Variants in EXOC4 observed in about 807,000 individuals in gnomAD.
EXOC4 encodes exocyst complex component 4.
In EXOC4, 71 loss-of-function variants were observed where a neutral mutation model predicts 107.2. The observed-to-expected ratio is 0.66, with a 90% CI of 0.55 to 0.81. EXOC4 has a LOEUF of 0.81. EXOC4 is among the 30% of genes least tolerant of loss of function. EXOC4 has a pLI of 0.00. For synonymous variants in EXOC4, 456 were observed against 441.2 expected, an observed-to-expected ratio of 1.03 and a Z score of -0.42; for missense variants, 1,108 against 1,189.6, an observed-to-expected ratio of 0.93 and a Z score of 1.01.
chr7:133,596,968 G>A (rs1801689271), intron 9 of EXOC4, among the ~76,000 whole-genome samples: 1 of 152,144 alleles, frequency 6.6e-6, no homozygotes, highest in Admixed American at 6.5e-5. Context: ...CTTTTTAGAG[G>A]AAGCAATCAG....
At chr7:133,267,306 C>T (rs1277161477) in intron 1 of EXOC4, among the ~76,000 whole-genome samples, 2 of 152,160 alleles carry the variant, frequency 1.3e-5, no homozygotes, top group African/African-American at 2.4e-5. Context: ...GTCTGGCTCC[C>T]AGTTTTCTCC....
At chr7:133,705,721 A>T (rs1794754412) in intron 10 of EXOC4, among the ~76,000 whole-genome samples, 2 of 152,220 alleles carry the variant, frequency 1.3e-5, no homozygotes, top group South Asian at 4.1e-4. Context: ...CGAGATGGCT[A>T]CGAAGTGACT....
intron 8 of EXOC4, chr7:133,479,741 C>T (rs1207198459): frequency 6.6e-6 from 2 of 304,208 alleles, no homozygotes; most frequent in Non-Finnish European, 1.3e-5. Flanking sequence ...GTATAAGGAT[C>T]CTGGCTAAAG....
chr7:133,330,379 C>T (rs1795353872), intron 5 of EXOC4, among the ~76,000 whole-genome samples: 1 of 152,008 alleles, frequency 6.6e-6, no homozygotes. Flanking sequence ...GGGTGGGACC[C>T]ACTGAGCCAG....
chr7:133,291,982 T>C (rs1794416934), intron 3 of EXOC4, among the ~76,000 whole-genome samples: 1 of 152,308 alleles, frequency 6.6e-6, no homozygotes, highest in South Asian at 2.1e-4. Context: ...AACCATGCTG[T>C]TTTAACTCCT....
At chr7:133,883,719 C>G (rs1354548744) in intron 11 of EXOC4, among the ~76,000 whole-genome samples, 1 of 152,068 alleles carries the variant, frequency 6.6e-6, no homozygotes, top group Non-Finnish European at 1.5e-5. Context: ...GACATGAACA[C>G]TCATTTCTGT....
intron 4 of EXOC4, 60 bp from the exon 5 acceptor site, chr7:133,317,224 G>T (rs1379606560): frequency 8.5e-7 from 1 of 1,182,946 alleles, no homozygotes; most frequent in African/African-American, 1.5e-5. Context: ...TGGGGCTGTA[G>T]TGGGAGGACT....
chr7:133,902,865 AC>A (rs1185399549), intron 12 of EXOC4, among the ~76,000 whole-genome samples: 1 of 114,670 alleles, frequency 8.7e-6, no homozygotes, highest in Non-Finnish European at 1.7e-5. Context: ...AAAAAACAAA[AC>A]AAAAAAAAAA....
chr7:133,965,510 G>A (rs1425226795), intron 14 of EXOC4, among the ~76,000 whole-genome samples: 2 of 152,174 alleles, frequency 1.3e-5, no homozygotes, highest in Admixed American at 1.3e-4. Context: ...TTTGTATAAG[G>A]TGTAAGGAAG....
intron 3 of EXOC4, 102 bp downstream of exon 3, chr7:133,289,218 G>T: frequency 1.0e-6 from 1 of 972,434 alleles, no homozygotes; most frequent in Non-Finnish European, 1.5e-6. Context: ...ATTACAAACT[G>T]CCCTCTTGGG....
chr7:133,630,519 C>T lies in EXOC4; in HGVS notation c.1514+378C>T, dbSNP rs958020378. Among the ~76,000 whole-genome samples, 19 of 152,026 alleles carry T rather than the reference C, an allele frequency of 1.2e-4. 1 individual carries two copies. ...ACATTTTTATTGACACACAGACATGCTTATTTGTTTATGTATTGCCCATAG... is the reference window on the plus strand; with the variant it reads ...ACATTTTTATTGACACACAGACATGTTTATTTGTTTATGTATTGCCCATAG... On this transcript the variant is annotated intron_variant, in intron 10 of 17. Transcript: ENST00000253861.
chr7:134,061,641 C>T (rs1195858192), intron 17 of EXOC4, among the ~76,000 whole-genome samples: 2 of 152,144 alleles, frequency 1.3e-5, no homozygotes, highest in African/African-American at 2.4e-5. Flanking sequence ...AATCTCGATG[C>T]ACGCATGAGC....
intron 1 of EXOC4, among the ~76,000 whole-genome samples, chr7:133,256,856 A>G (rs1470371712): frequency 1.3e-5 from 2 of 151,982 alleles, no homozygotes; most frequent in Non-Finnish European, 2.9e-5. Flanking sequence ...TCTCATCGCT[A>G]TTTCCAGCCC....
chr7:133,971,608 C>A (rs967702011), intron 14 of EXOC4, among the ~76,000 whole-genome samples: 4 of 151,318 alleles, frequency 2.6e-5, no homozygotes, highest in Non-Finnish European at 4.4e-5. Context: ...GAAAACAAAC[C>A]TTTTTTAAAG....
intron 10 of EXOC4, among the ~76,000 whole-genome samples, chr7:133,648,133 A>C (rs1352410248): frequency 9.2e-5 from 14 of 152,242 alleles, no homozygotes; most frequent in Admixed American, 6.5e-4. Flanking sequence ...GTAAATTTTC[A>C]AGCCCATTTA....
At chr7:133,698,511 G>C (rs1194428019) in intron 10 of EXOC4, among the ~76,000 whole-genome samples, 1 of 150,982 alleles carries the variant, frequency 6.6e-6, no homozygotes, top group African/African-American at 2.4e-5. Context: ...GTGTGTATGA[G>C]GTTGAGGTTG....
At chr7:133,363,267 A>G (rs1021850298) in intron 6 of EXOC4, among the ~76,000 whole-genome samples, 1 of 152,208 alleles carries the variant, frequency 6.6e-6, no homozygotes, top group Non-Finnish European at 1.5e-5. Context: ...TAACTGAAAT[A>G]TTTTTAGAAC....
chr7:134,082,326 G>C, the EXOC4 span, among the ~76,000 whole-genome samples: 1 of 152,188 alleles, frequency 6.6e-6, no homozygotes, highest in Non-Finnish European at 1.5e-5. Context: ...CATGGCATTT[G>C]TAAACTGTCA....
chr7:133,444,102 C>G (rs1273319772), intron 7 of EXOC4, among the ~76,000 whole-genome samples: 1 of 152,082 alleles, frequency 6.6e-6, no homozygotes, highest in Non-Finnish European at 1.5e-5. Flanking sequence ...AGCTCACTTT[C>G]TGATTGTGCA....
Sources: gnomAD v4.1 joint callset for allele counts (sites outside exome capture counted in the v4.1 genomes callset) on GRCh38, gnomAD v4.1.1 for gene constraint, MANE v1.5 for transcripts, NCBI Gene and HGNC (gene_info 2026-07-23, HGNC 2026-07-21) for gene names.